ATP13A4: variants seen among roughly 807,000 people sequenced by gnomAD.
ATP13A4 encodes the protein probable cation-transporting ATPase 13A4.
Under a neutral mutation model 142.5 loss-of-function variants are expected in ATP13A4, and 114 were observed. The ratio of observed to expected loss-of-function variants is 0.80; its 90% confidence interval spans 0.69 to 0.93. ATP13A4 has a LOEUF of 0.93. Ranked by LOEUF, ATP13A4 falls within the 40% of genes least tolerant of loss-of-function variation. The pLI is 0.00. For synonymous variants in ATP13A4, 488 were observed against 514.8 expected (o/e 0.95, Z 0.70); for missense variants, 1,392 against 1,454.0 (o/e 0.96, Z 0.69).
intron 1 of ATP13A4, among the ~76,000 whole-genome samples, chr3:193,550,738 GT>G (rs1206965652): frequency 6.6e-6 from 1 of 152,032 alleles, no homozygotes; most frequent in African/African-American, 2.4e-5. Flanking sequence ...GAATTCAAAG[GT>G]TTTTTTATTT....
In ATP13A4 at chr3:193,520,698, T is replaced by A. The variant is rs548100276; in HGVS notation, c.61-5827A>T. 1.1e-4 allele frequency among the ~76,000 whole-genome samples: 16 copies of A among 152,150 alleles called. No homozygotes were observed. The South Asian group carries it at 2.9e-3, about 28-fold the overall frequency. On this transcript the variant is annotated intron_variant, in intron 1 of 29. Coordinates refer to ENST00000342695, the MANE Select transcript of ATP13A4 (RefSeq NM_032279.4). ...TTGTATACTACTTTGCAAAAAAAAATTATTATTATTAAAAATAAAAAATAA... is the reference window on the plus strand; with the variant it reads ...TTGTATACTACTTTGCAAAAAAAAAATATTATTATTAAAAATAAAAAATAA...
chr3:193,540,390 A>G (rs1264308355), intron 1 of ATP13A4, among the ~76,000 whole-genome samples: 2 of 151,954 alleles, frequency 1.3e-5, no homozygotes, highest in Non-Finnish European at 2.9e-5. Flanking sequence ...CGCATCCCTC[A>G]TGACAACGGA....
At chr3:193,545,482 G>A (rs541542068) in intron 1 of ATP13A4, among the ~76,000 whole-genome samples, 9 of 152,196 alleles carry the variant, frequency 5.9e-5, no homozygotes, top group Non-Finnish European at 1.0e-4. Flanking sequence ...AAAAGTTGAG[G>A]AGATGGTATT....
chr3:193,583,301 C>T (rs1277057847), intron 1 of ATP13A4, among the ~76,000 whole-genome samples: 2 of 151,838 alleles, frequency 1.3e-5, no homozygotes, highest in East Asian at 1.9e-4. Context: ...GGATTGGTGG[C>T]GGGCGCCTGT....
chr3:193,433,338 A>T (rs1220878611), intron 25 of ATP13A4, among the ~76,000 whole-genome samples: 1 of 152,172 alleles, frequency 6.6e-6, no homozygotes, highest in Non-Finnish European at 1.5e-5. Flanking sequence ...TAAAGTCAAA[A>T]ATAAAAAAAT....
At chr3:193,530,168 C>T (rs558408741) in intron 1 of ATP13A4, among the ~76,000 whole-genome samples, 5 of 152,096 alleles carry the variant, frequency 3.3e-5, no homozygotes, top group Non-Finnish European at 5.9e-5. Context: ...TTGCCCTATG[C>T]TTTCTCACCC....
intron 1 of ATP13A4, among the ~76,000 whole-genome samples, chr3:193,540,697 T>A (rs1484655255): frequency 6.7e-6 from 1 of 150,300 alleles, no homozygotes; most frequent in Admixed American, 6.6e-5. Context: ...ATTAAAAGAA[T>A]GTTTATTAAG....
chr3:193,436,801 G>C (rs1716297026), intron 23 of ATP13A4, among the ~76,000 whole-genome samples: 1 of 150,840 alleles, frequency 6.6e-6, no homozygotes, highest in African/African-American at 2.4e-5. Context: ...GATGTCCTAG[G>C]GTGTTAAAAC....
At chr3:193,422,369 C>T (rs891633740) in intron 25 of ATP13A4, among the ~76,000 whole-genome samples, 4 of 149,804 alleles carry the variant, frequency 2.7e-5, no homozygotes, top group African/African-American at 7.4e-5. Flanking sequence ...GTACATTAGA[C>T]AAAATAGACC....
At chr3:193,464,063 A>G (rs1718119507) in intron 12 of ATP13A4, among the ~76,000 whole-genome samples, 1 of 152,226 alleles carries the variant, frequency 6.6e-6, no homozygotes, top group Non-Finnish European at 1.5e-5. Flanking sequence ...AAAATAGTAA[A>G]TTTTATGTTA....
intron 10 of ATP13A4, 115 bp downstream of exon 10, chr3:193,467,200 TA>T: frequency 4.5e-6 from 5 of 1,111,814 alleles, no homozygotes; most frequent in Non-Finnish European, 6.4e-6. Context: ...AATTAAAAAT[TA>T]AAAAAATATG....
intron 16 of ATP13A4, among the ~76,000 whole-genome samples, chr3:193,455,610 G>A (rs756817090): frequency 2.6e-5 from 4 of 152,192 alleles, no homozygotes; most frequent in African/African-American, 4.8e-5. Flanking sequence ...TTAAACCACT[G>A]TGGAAGAAAA....
chr3:193,571,668 C>A (rs563098568), intron 2 of ATP13A4, among the ~76,000 whole-genome samples: 2 of 152,254 alleles, frequency 1.3e-5, no homozygotes, highest in Non-Finnish European at 2.9e-5. Flanking sequence ...AAACATCAGA[C>A]AAACCCCAAT....
chr3:193,444,075 T>A (rs1252306617), intron 18 of ATP13A4, among the ~76,000 whole-genome samples: 1 of 152,080 alleles, frequency 6.6e-6, no homozygotes, highest in East Asian at 1.9e-4. Context: ...GATTTACAGA[T>A]TCAAGAAGCT....
Position 193,582,652 on chromosome 3 carries a change from C to CAT in ATP13A4, n.92-748_92-747dup, listed in dbSNP as rs1553863177. 8.9e-5 allele frequency among the ~76,000 whole-genome samples: 6 copies of CAT among 67,516 alleles called. 1 individual carries two copies. The highest frequency in any genetic ancestry group is 1.5e-4 in the Non-Finnish European group (6 of 38,964). The allele number at this position is 67,516 out of a possible 152,430, so 44.3% of individuals were successfully genotyped here. ...TTACATACATTATATATGTATATTA[C>CAT]ATACATTATATATGTATATTACATA... On this transcript the variant is annotated intron_variant and non_coding_transcript_variant, in intron 1 of 3. Coordinates refer to the ATP13A4 transcript ENST00000489140.
At chr3:193,457,491 T>C in intron 14 of ATP13A4, 26 bp from the exon 15 acceptor site, 4 of 1,597,610 alleles carry the variant, frequency 2.5e-6, no homozygotes, top group Non-Finnish European at 3.4e-6. Flanking sequence ...GATATTTCAT[T>C]GCAGAGATTT....
rs988480284 is a variant in ATP13A4, at chr3:193,400,118, T to C, written c.*2534A>G. Among the ~76,000 whole-genome samples, 12 of 152,344 alleles carry C rather than the reference T, an allele frequency of 7.9e-5. No individual in the cohort carries two copies. Among genetic ancestry groups the C allele is most frequent in the African/African-American group, 2.9e-4 (12 of 41,580 alleles). ...CATTTGTCCTGATTTTGCCTTCTCA[T>C]GCCACCTGGCACAAGTAGGATCCTT... On this transcript the variant is annotated 3_prime_UTR_variant, in exon 30 of 30. Coordinates refer to ENST00000342695, the MANE Select transcript of ATP13A4 (RefSeq NM_032279.4).
At chr3:193,428,754 A>G (rs1402061784) in intron 25 of ATP13A4, among the ~76,000 whole-genome samples, 19 of 132,284 alleles carry the variant, frequency 1.4e-4, no homozygotes, top group Non-Finnish European at 9.4e-5. Flanking sequence ...GAACTCTTGG[A>G]CACAGGAAGG....
chr3:193,465,337 G>A (rs753813474), intron 11 of ATP13A4, among the ~76,000 whole-genome samples: 3 of 152,054 alleles, frequency 2.0e-5, no homozygotes, highest in South Asian at 2.1e-4. Flanking sequence ...ACAGGCACAC[G>A]CCACCACACC....
Sources: allele counts gnomAD v4.1 joint callset (sites outside exome capture counted in the v4.1 genomes callset), GRCh38; gene constraint gnomAD v4.1.1; transcripts MANE v1.5; gene names NCBI Gene and HGNC (gene_info 2026-07-23, HGNC 2026-07-21).